The following HSD17B1 variants were observed in gnomAD, a reference collection of about 807,000 sequenced individuals.
The protein encoded by HSD17B1 is hydroxysteroid 17-beta dehydrogenase 1, also known as 17-beta-hydroxysteroid dehydrogenase type 1.
In HSD17B1, 16 loss-of-function variants were observed where a neutral mutation model predicts 22.7. The observed-to-expected ratio is 0.71, with a 90% CI of 0.48 to 1.07. HSD17B1 has a LOEUF of 1.07. HSD17B1 is among the 50% of genes least tolerant of loss of function. HSD17B1 has a pLI of 0.00. For synonymous variants in HSD17B1, 243 were observed against 211.0 expected, an observed-to-expected ratio of 1.15 and a Z score of -1.31; for missense variants, 533 against 459.9, an observed-to-expected ratio of 1.16 and a Z score of -1.45.
At position 42,553,308 on chromosome 17, in the gene HSD17B1, C is replaced by A. The variant is rs2092949805; in HGVS notation, c.265+17C>A. On this transcript the variant is annotated intron_variant, in intron 2 of 5. Transcript: ENST00000585807. ...ACGTGCTGGGTGAGCCTCCTGGAAG[C>A]ATATGGGCTCCTAGGAGCCTTCTCC... The A allele has an allele frequency of 1.2e-6, 2 of 1,604,156 alleles. No individual in the cohort carries two copies. The highest frequency in any genetic ancestry group is 8.5e-7 in the Non-Finnish European group (1 of 1,179,368).
chr17:42,554,823 AGGCCGAGGCTGG>A lies in HSD17B1; in HGVS notation c.887_898del (p.Ala296_Gly299del), dbSNP rs754190013. The A allele has an allele frequency of 2.4e-4, 379 of 1,599,212 alleles. 1 individual carries two copies. Among genetic ancestry groups the A allele is most frequent in the Middle Eastern group, 1.2e-3 (7 of 6,040 alleles). ...GAAGTGTTCGGCGACGTTCCGGCAAAGGCCGAGGCTGGGGCCGAGGCTGGGGGCGGGGCCGGG... is the reference window on the plus strand; with the variant it reads ...GAAGTGTTCGGCGACGTTCCGGCAAAGGCCGAGGCTGGGGGCGGGGCCGGG... On this transcript the variant is annotated inframe_deletion, in exon 6 of 6. Transcript: ENST00000585807.
Position 42,554,828 on chromosome 17 carries a change from G to C in HSD17B1, c.877G>C (p.Glu293Gln), listed in dbSNP as rs769428290. The change falls in exon 6 of 6, where the codon GAG becomes CAG. Residue 293 changes from glutamate to glutamine, a missense_variant. Glu to Gln is a conservative substitution (Grantham distance 29). Transcript: ENST00000585807. ...GTTCGGCGACGTTCCGGCAAAGGCCGAGGCTGGGGCCGAGGCTGGGGGCGG... is the reference window on the plus strand; with the variant it reads ...GTTCGGCGACGTTCCGGCAAAGGCCCAGGCTGGGGCCGAGGCTGGGGGCGG... ...EVFGDVPAKA[E>Q]AGAEAGGGAG... The C allele has an allele frequency of 6.3e-7, 1 of 1,597,758 alleles. No homozygotes were observed. The highest frequency in any genetic ancestry group is 1.1e-5 in the South Asian group (1 of 90,764).
Position 42,554,400 on chromosome 17 carries a change from A to G in HSD17B1, c.540-5A>G. On this transcript the variant is annotated splice_region_variant and splice_polypyrimidine_tract_variant and intron_variant, in intron 4 of 5. Transcript: ENST00000585807. Reference sequence around the variant, plus strand: ...CCCTCCCACTCGTTGCTCTCCGGCCAGCAGCTTGAGCCTGATCGAGTGCGG... The same window carrying G: ...CCCTCCCACTCGTTGCTCTCCGGCCGGCAGCTTGAGCCTGATCGAGTGCGG... 6.3e-7 allele frequency: 1 copy of G among 1,595,102 alleles called. No homozygotes were observed. The highest frequency in any genetic ancestry group is 8.6e-7 in the Non-Finnish European group (1 of 1,167,316).
chr17:42,553,178 G>A lies in HSD17B1; in HGVS notation c.152G>A (p.Arg51Gln), dbSNP rs149929344. ...CAGGGCCGGCTGTGGGAGGCGGCCC[G>A]GGCCCTGGCATGCCCTCCGGGATCC... ...KTQGRLWEAARALACPPGSLE... is the reference protein window; with the variant it reads ...KTQGRLWEAAQALACPPGSLE... The change falls in exon 2 of 6, where the codon CGG (arginine) becomes CAG (glutamine). Residue 51 changes from arginine to glutamine, a missense_variant. Physicochemically the swap from Arg to Gln is conservative, Grantham distance 43. Transcript: ENST00000585807. 129 of 1,613,700 alleles carry A rather than the reference G, an allele frequency of 8.0e-5. No individual in the cohort carries two copies. In the African/African-American group the frequency reaches 1.6e-3, roughly 20 times the overall value.
rs769551521 is a variant in HSD17B1 at position 42,553,754 on chromosome 17, CT to C, written c.446-39del. The C allele has an allele frequency of 4.8e-5, 77 of 1,603,800 alleles. No homozygotes were observed. The African/African-American group carries it at 9.6e-4, about 20-fold the overall frequency. On this transcript the variant is annotated intron_variant, in intron 3 of 5. Transcript: ENST00000585807. ...GCACCGTCTGCCCGGGGATGACCCCCTGGCCGCTGCGCCTCAGGAACCTCGT... is the reference window on the plus strand; with the variant it reads ...GCACCGTCTGCCCGGGGATGACCCCCGGCCGCTGCGCCTCAGGAACCTCGT...
Position 42,553,436 on chromosome 17 carries a change from C to G in HSD17B1, c.266-3C>G. 4 of 1,612,102 alleles carry G rather than the reference C, an allele frequency of 2.5e-6. No individual in the cohort carries two copies. Among genetic ancestry groups the G allele is most frequent in the Non-Finnish European group, 3.4e-6 (4 of 1,179,820 alleles). On this transcript the variant is annotated splice_polypyrimidine_tract_variant and splice_region_variant and intron_variant, in intron 2 of 5. Coordinates refer to ENST00000585807, the MANE Select transcript of HSD17B1 (RefSeq NM_000413.4). ...GGGCTGGTCGGGCCTCTTGTCTCCG[C>G]AGTGTGTAACGCAGGCCTGGGCCTG...
At position 42,555,011 on chromosome 17, in the gene HSD17B1, G is replaced by C; in HGVS notation, c.*73G>C. 1 of 1,409,998 alleles carries C rather than the reference G, an allele frequency of 7.1e-7. No homozygotes were observed. The highest frequency in any genetic ancestry group is 9.2e-7 in the Non-Finnish European group (1 of 1,088,826). The allele number at this position is 1,409,998 out of a possible 1,614,324, so 87.3% of individuals were successfully genotyped here. On this transcript the variant is annotated 3_prime_UTR_variant, in exon 6 of 6. Transcript: ENST00000585807. ...CTGTGTGGTCCCTGGGGATGGGGCG[G>C]CGGTAGCAGCTGTGGGTGGCTAATT...
chr17:42,553,697 G>T lies in HSD17B1; in HGVS notation c.445+79G>T, dbSNP rs610166. The T allele has an allele frequency of 1.1e-4, 169 of 1,595,572 alleles. No homozygotes were observed. In the East Asian group the frequency reaches 2.4e-3, roughly 22 times the overall value. On this transcript the variant is annotated intron_variant, in intron 3 of 5. Transcript: ENST00000585807. ...AGCCTTGAAGGCAGGTTCCGCGGGGGGGGTGGAGTGGGGTGCCGTCAGCTT... is the reference window on the plus strand; with the variant it reads ...AGCCTTGAAGGCAGGTTCCGCGGGGTGGGTGGAGTGGGGTGCCGTCAGCTT...
chr17:42,554,856 C>G lies in HSD17B1; in HGVS notation c.905C>G (p.Ala302Gly). ...GCTGGGGCCGAGGCTGGGGGCGGGG[C>G]CGGGCCTGGGGCAGAGGACGAGGCC... ...AEAGAEAGGG[A>G]GPGAEDEAGR... The change falls in exon 6 of 6, where the codon GCC becomes GGC. Residue 302 changes from alanine (A) to glycine (G), a missense_variant. Ala to Gly is a moderately conservative substitution (Grantham distance 60). Transcript: ENST00000585807. 1 of 1,584,762 alleles carries G rather than the reference C, an allele frequency of 6.3e-7. No homozygotes were observed. The highest frequency in any genetic ancestry group is 1.3e-5 in the African/African-American group (1 of 74,680).
intron 2 of HSD17B1, 68 bp downstream of exon 2, chr17:42,553,359 C>G: frequency 6.2e-7 from 1 of 1,603,892 alleles, no homozygotes; most frequent in Non-Finnish European, 8.5e-7. Context: ...CAACATGTTC[C>G]CAGGCCCAGG....
chr17:42,553,505 T>G lies in HSD17B1; in HGVS notation c.332T>G (p.Val111Gly), dbSNP rs754332397. Residue 111 changes from valine (V) to glycine (G), a missense_variant, in exon 3 of 6, where the codon GTG becomes GGG. Transcript: ENST00000585807. ...CTGGGGGAGGACGCCGTGGCCTCTG[T>G]GCTGGACGTGAATGTAGTAGGGACT... ...EALGEDAVASVLDVNVVGTVR... is the reference protein window; with the variant it reads ...EALGEDAVASGLDVNVVGTVR... 3 of 1,613,858 alleles carry G rather than the reference T, an allele frequency of 1.9e-6. No individual in the cohort carries two copies. The African/African-American group carries it at 4.0e-5, about 22-fold the overall frequency.
In HSD17B1 at chr17:42,553,280, T is replaced by A; in HGVS notation, c.254T>A (p.Val85Glu). ...AARERVTEGRVDVLVCNAGLG... is the reference protein window; with the variant it reads ...AARERVTEGREDVLVCNAGLG... ...CGGGAACGCGTGACTGAGGGCCGCG[T>A]GGACGTGCTGGGTGAGCCTCCTGGA... Residue 85 changes from valine (V) to glutamate (E), a missense_variant, in exon 2 of 6, where the codon GTG (valine) becomes GAG (glutamate). Coordinates refer to ENST00000585807, the MANE Select transcript of HSD17B1 (RefSeq NM_000413.4). 2 of 1,608,360 alleles carry A rather than the reference T, an allele frequency of 1.2e-6. No homozygotes were observed. Among genetic ancestry groups the A allele is most frequent in the Non-Finnish European group, 1.7e-6 (2 of 1,179,826 alleles).
At position 42,553,824 on chromosome 17, in the gene HSD17B1, G is replaced by A. The variant is rs1178491270; in HGVS notation, c.476G>A (p.Ser159Asn). The change falls in exon 4 of 6, where the codon AGC (serine) becomes AAC (asparagine). Residue 159 changes from serine (S) to asparagine (N), a missense_variant. Coordinates refer to ENST00000585807, the MANE Select transcript of HSD17B1 (RefSeq NM_000413.4). Reference protein sequence around the residue: ...GLPFNDVYCASKFALEGLCES... With the variant: ...GLPFNDVYCANKFALEGLCES... ...CCTTTCAATGACGTTTATTGCGCCAGCAAGTTCGCGCTCGAAGGCTTATGC... is the reference window on the plus strand; with the variant it reads ...CCTTTCAATGACGTTTATTGCGCCAACAAGTTCGCGCTCGAAGGCTTATGC... The A allele has an allele frequency of 1.2e-6, 2 of 1,613,392 alleles. No homozygotes were observed. The highest frequency in any genetic ancestry group is 1.1e-5 in the South Asian group (1 of 90,878).
rs2092951234 is a variant in HSD17B1 at position 42,553,527 on chromosome 17, G to T, written c.354G>T (p.Gly118=). Residue 118 remains glycine (G), a synonymous_variant, in exon 3 of 6, where the codon GGG becomes GGT. Transcript: ENST00000585807. Reference sequence around the variant, plus strand: ...CTGTGCTGGACGTGAATGTAGTAGGGACTGTGCGGATGCTGCAGGCCTTCC... The same window carrying T: ...CTGTGCTGGACGTGAATGTAGTAGGTACTGTGCGGATGCTGCAGGCCTTCC... ...VASVLDVNVV[G]TVRMLQAFLP... The T allele has an allele frequency of 3.7e-6, 6 of 1,613,904 alleles. No homozygotes were observed. Among genetic ancestry groups the T allele is most frequent in the Admixed American group, 1.7e-5 (1 of 60,006 alleles).
At chr17:42,553,734 G>A (rs183748964) in intron 3 of HSD17B1, 60 bp from the exon 4 acceptor site, 4 of 1,595,330 alleles carry the variant, frequency 2.5e-6, no homozygotes, top group East Asian at 2.2e-5. Context: ...GAGGGGCACC[G>A]TCTGCCCGGG....
chr17:42,553,583 G>C lies in HSD17B1; in HGVS notation c.410G>C (p.Arg137Pro), dbSNP rs779805603. ...GACATGAAGAGGCGCGGTTCGGGAC[G>C]CGTGTTGGTGACCGGGAGCGTGGGA... Reference protein sequence around the residue: ...LPDMKRRGSGRVLVTGSVGGL... With the variant: ...LPDMKRRGSGPVLVTGSVGGL... The change falls in exon 3 of 6, where the codon CGC becomes CCC. Residue 137 changes from arginine (R) to proline (P), a missense_variant. Physicochemically the swap from Arg to Pro is moderately radical, Grantham distance 103 (BLOSUM62 -2). Transcript: ENST00000585807. 3 of 1,611,816 alleles carry C rather than the reference G, an allele frequency of 1.9e-6. No homozygotes were observed. The Admixed American group carries it at 5.0e-5, about 27-fold the overall frequency.
chr17:42,554,802 T>G lies in HSD17B1; in HGVS notation c.851T>G (p.Val284Gly). ...TACGTCACCGCCATGCACCGGGAAG[T>G]GTTCGGCGACGTTCCGGCAAAGGCC... ...SNYVTAMHRE[V>G]FGDVPAKAEA... Residue 284 changes from valine (V) to glycine (G), a missense_variant, in exon 6 of 6, where the codon GTG (valine) becomes GGG (glycine). By Grantham distance (109) the Val-to-Gly change is moderately radical (BLOSUM62 -3). Coordinates refer to ENST00000585807, the MANE Select transcript of HSD17B1 (RefSeq NM_000413.4). 6.2e-7 allele frequency: 1 copy of G among 1,601,768 alleles called. No homozygotes were observed. Among genetic ancestry groups the G allele is most frequent in the Middle Eastern group, 1.7e-4 (1 of 6,060 alleles).
In HSD17B1 at chr17:42,554,869, A is replaced by T; in HGVS notation, c.918A>T (p.Ala306=). ...AEAGGGAGPG[A]EDEAGRGAVG... is the part of the protein sequence containing the mutation. ...CTGGGGGCGGGGCCGGGCCTGGGGC[A>T]GAGGACGAGGCCGGGCGCGGTGCGG... is the stretch of plus-strand genomic sequence containing the variant. Residue 306 remains alanine, a synonymous_variant, in exon 6 of 6, where the codon GCA becomes GCT. Transcript: ENST00000585807. 3 of 1,573,548 alleles carry T rather than the reference A, an allele frequency of 1.9e-6. No homozygotes were observed. The highest frequency in any genetic ancestry group is 1.7e-6 in the Non-Finnish European group (2 of 1,167,440).
intron 4 of HSD17B1, 200 bp from the exon 5 acceptor site, chr17:42,554,205 T>A (rs2092954558): frequency 2.6e-6 from 2 of 767,634 alleles, no homozygotes; most frequent in Non-Finnish European, 4.1e-6. Flanking sequence ...TCAGATGGAT[T>A]TGGGAGGGCT....
Sources: allele counts gnomAD v4.1 joint callset, GRCh38; gene constraint gnomAD v4.1.1; transcripts MANE v1.5; gene names NCBI Gene and HGNC (gene_info 2026-07-23, HGNC 2026-07-21).